Variants in RIN2 observed in about 807,000 individuals in gnomAD.
RIN2 encodes the protein RAB5 interacting protein 2.
RIN2 carries 36 observed loss-of-function variants against 78.0 expected under a neutral mutation model. That is an observed-to-expected ratio of 0.46 (90% CI 0.35 to 0.61). The LOEUF is 0.61. RIN2 is among the 20% of genes least tolerant of loss of function. The probability of loss-of-function intolerance (pLI) is 0.00; values close to 1 mark genes in which losing one functional copy is unlikely to be tolerated. For missense variants in RIN2, 1,087 were observed against 1,159.7 expected, an observed-to-expected ratio of 0.94 and a Z score of 0.91; for synonymous variants, 466 against 466.8, an observed-to-expected ratio of 1.00 and a Z score of 0.02.
At chr20:19,891,548 G>A (rs976311146) in intron 3 of RIN2, among the ~76,000 whole-genome samples, 3 of 152,182 alleles carry the variant, frequency 2.0e-5, no homozygotes, top group Non-Finnish European at 4.4e-5. Flanking sequence ...GCCAGCCATG[G>A]TGCTTCATGC....
At chr20:19,761,560 C>T (rs1312115974) in intron 1 of RIN2, among the ~76,000 whole-genome samples, 1 of 152,188 alleles carries the variant, frequency 6.6e-6, no homozygotes, top group Non-Finnish European at 1.5e-5. Flanking sequence ...CCAAGGAATT[C>T]ACCTAGGGAA....
chr20:19,761,586 A>G (rs370305387), intron 1 of RIN2, among the ~76,000 whole-genome samples: 17 of 152,308 alleles, frequency 1.1e-4, no homozygotes, highest in African/African-American at 2.6e-4. Context: ...TAGTTCTCCC[A>G]AAATCTTATA....
At chr20:19,965,076 T>C in intron 7 of RIN2, 52 bp downstream of exon 7, 1 of 1,456,184 alleles carries the variant, frequency 6.9e-7, no homozygotes, top group Non-Finnish European at 9.6e-7. Context: ...GTGTGTGGGA[T>C]ATAATTAACC....
intron 2 of RIN2, chr20:19,889,242 G>A (rs2038330767): frequency 9.8e-7 from 1 of 1,021,774 alleles, no homozygotes; most frequent in Non-Finnish European, 1.2e-6. Context: ...TGCAGATGAT[G>A]GGGACATCTA....
At position 19,986,484 on chromosome 20, in the gene RIN2, CA is replaced by C. The variant is rs1372140721; in HGVS notation, c.1763-3520del. 7.2e-5 allele frequency among the ~76,000 whole-genome samples: 11 copies of C among 152,296 alleles called. No homozygotes were observed. The East Asian group carries it at 2.1e-3, about 29-fold the overall frequency. On this transcript the variant is annotated intron_variant, in intron 9 of 12. Transcript: ENST00000255006. ...TTCAGAAAACGGGCTACTCCCTTGG[CA>C]ATTGGTCCTAGGTTTCAACCCTCCT... is the stretch of plus-strand genomic sequence containing the variant.
chr20:19,782,552 T>C (rs2034544462), intron 1 of RIN2, among the ~76,000 whole-genome samples: 1 of 146,986 alleles, frequency 6.8e-6, no homozygotes, highest in Admixed American at 6.8e-5. Flanking sequence ...CGAGACTCTG[T>C]CTTAAAAAAA....
chr20:19,771,477 C>A (rs1600412497), intron 1 of RIN2, among the ~76,000 whole-genome samples: 2 of 152,192 alleles, frequency 1.3e-5, no homozygotes, highest in African/African-American at 4.8e-5. Context: ...AACCCCAACC[C>A]CTGCTGAAGC....
chr20:19,990,927 C>T (rs754930188), intron 10 of RIN2, among the ~76,000 whole-genome samples: 3 of 152,136 alleles, frequency 2.0e-5, no homozygotes, highest in East Asian at 1.9e-4. Flanking sequence ...TGAAATTCAC[C>T]GAAGAGTTAC....
intron 4 of RIN2, among the ~76,000 whole-genome samples, chr20:19,936,095 TGACG>T (rs1270262416): frequency 6.6e-6 from 1 of 152,188 alleles, no homozygotes. Flanking sequence ...CGCCATACGC[TGACG>T]GGAGAGAGCA....
At chr20:19,805,479 G>GGGTT (rs1445453541) in intron 2 of RIN2, among the ~76,000 whole-genome samples, 1 of 152,158 alleles carries the variant, frequency 6.6e-6, no homozygotes, top group African/African-American at 2.4e-5. Flanking sequence ...TCGGCTCACT[G>GGGTT]CAACCTCCAC....
chr20:19,881,818 G>A (rs941464496), intron 2 of RIN2, among the ~76,000 whole-genome samples: 7 of 152,162 alleles, frequency 4.6e-5, no homozygotes, highest in Admixed American at 6.5e-5. Context: ...GACATAGGCT[G>A]TTAGTAAACA....
chr20:19,990,599 A>C (rs1009062003), intron 10 of RIN2, among the ~76,000 whole-genome samples: 1 of 152,112 alleles, frequency 6.6e-6, no homozygotes, highest in Admixed American at 6.5e-5. Context: ...TCTGAGTTCA[A>C]ATCTTCCCTC....
intron 2 of RIN2, among the ~76,000 whole-genome samples, chr20:19,865,897 C>A (rs947967249): frequency 6.6e-6 from 1 of 152,174 alleles, no homozygotes; most frequent in Admixed American, 6.5e-5. Flanking sequence ...GGTCCCCAAC[C>A]TTTTTGGCAC....
intron 1 of RIN2, among the ~76,000 whole-genome samples, chr20:19,768,254 A>G (rs548230944): frequency 5.9e-5 from 9 of 152,372 alleles, no homozygotes; most frequent in African/African-American, 1.9e-4. Context: ...GTGAGGATTC[A>G]TGGAAAATGG....
chr20:19,874,887 G>T (rs2037808287), intron 2 of RIN2, among the ~76,000 whole-genome samples: 1 of 151,718 alleles, frequency 6.6e-6, no homozygotes, highest in Non-Finnish European at 1.5e-5. Flanking sequence ...TTGAGACAGG[G>T]TCTCACTCCA....
chr20:19,908,090 C>A lies in RIN2; in HGVS notation c.57+18432C>A, dbSNP rs145339540. Among the ~76,000 whole-genome samples, 17 of 152,260 alleles carry A rather than the reference C, an allele frequency of 1.1e-4. No individual in the cohort carries two copies. The East Asian group carries it at 2.9e-3, about 26-fold the overall frequency. ...TTGACCTCTGAGCCTTCACCACAGT[C>A]GGGAGAGCTTAGGTCCATGCTCCAT... On this transcript the variant is annotated intron_variant, in intron 3 of 12. Coordinates refer to ENST00000255006, the MANE Select transcript of RIN2 (RefSeq NM_018993.4).
chr20:19,833,981 C>T (rs569092501), intron 2 of RIN2, among the ~76,000 whole-genome samples: 7 of 152,222 alleles, frequency 4.6e-5, no homozygotes, highest in African/African-American at 1.4e-4. Flanking sequence ...TCCACCACAT[C>T]GCCTGCACAA....
At chr20:19,917,965 T>C (rs2039753619) in intron 3 of RIN2, among the ~76,000 whole-genome samples, 1 of 152,226 alleles carries the variant, frequency 6.6e-6, no homozygotes, top group South Asian at 2.1e-4. Flanking sequence ...AAATGCTGAA[T>C]CCAACAGTTT....
intron 2 of RIN2, among the ~76,000 whole-genome samples, chr20:19,833,928 CCCCCTCCTGCTTGT>C (rs1487766687): frequency 6.6e-6 from 1 of 152,140 alleles, no homozygotes; most frequent in Admixed American, 6.5e-5. Context: ...CATTCCCCTG[CCCCCTCCTGCTTGT>C]CCCCGTCCCC....
Sources: allele counts gnomAD v4.1 joint callset (sites outside exome capture counted in the v4.1 genomes callset), GRCh38; gene constraint gnomAD v4.1.1; transcripts MANE v1.5; gene names NCBI Gene and HGNC (gene_info 2026-07-23, HGNC 2026-07-21).